ENAH: variants seen among roughly 807,000 people sequenced by gnomAD.
ENAH encodes the protein protein enabled homolog.
A neutral mutation model predicts 78.7 loss-of-function variants in ENAH; 23 were observed. The ratio of observed to expected loss-of-function variants is 0.29; its 90% CI spans 0.21 to 0.41. ENAH has a LOEUF of 0.41. Ranked by LOEUF, ENAH falls within the 10% of genes least tolerant of loss-of-function variation. ENAH has a pLI of 1.00. For synonymous variants in ENAH, 226 were observed against 241.0 expected, an observed-to-expected ratio of 0.94 and a Z score of 0.58; for missense variants, 544 against 691.0, an observed-to-expected ratio of 0.79 and a Z score of 2.39.
chr1:225,509,662 T>C (rs900700499), intron 10 of ENAH, among the ~76,000 whole-genome samples: 1 of 152,156 alleles, frequency 6.6e-6, no homozygotes, highest in African/African-American at 2.4e-5. Context: ...TTTCAGTGGA[T>C]TAAATGTCCA....
chr1:225,524,782 G>A (rs2096492788), intron 4 of ENAH: 1 of 463,030 alleles, frequency 2.2e-6, no homozygotes, highest in Non-Finnish European at 2.8e-6. Context: ...CTATATTAAG[G>A]TTCTATGTGG....
chr1:225,651,769 G>T (rs745706298), intron 1 of ENAH, among the ~76,000 whole-genome samples: 81 of 152,124 alleles, frequency 5.3e-4, no homozygotes, highest in Non-Finnish European at 1.1e-3. Context: ...TATGGACACA[G>T]AACAGGTTTA....
intron 3 of ENAH, chr1:225,531,085 G>C: frequency 2.5e-6 from 1 of 398,854 alleles, no homozygotes; most frequent in Non-Finnish European, 4.4e-6. Context: ...GAGAGAGAGA[G>C]AGCATGAGAA....
intron 1 of ENAH, among the ~76,000 whole-genome samples, chr1:225,592,698 C>T (rs987970969): frequency 1.9e-4 from 29 of 152,288 alleles, no homozygotes; most frequent in African/African-American, 7.0e-4. Flanking sequence ...TGAACTGCTG[C>T]TTCTTATGCT....
At chr1:225,514,569 A>T (rs1234565940) in intron 7 of ENAH, 27 bp downstream of exon 7, 1 of 1,576,880 alleles carries the variant, frequency 6.3e-7, no homozygotes, top group South Asian at 1.1e-5. Flanking sequence ...AAGACATATT[A>T]AAAAAATTTT....
intron 1 of ENAH, among the ~76,000 whole-genome samples, chr1:225,590,283 C>T (rs2147872278): frequency 6.6e-6 from 1 of 152,030 alleles, no homozygotes; most frequent in African/African-American, 2.4e-5. Flanking sequence ...GACACCTGCT[C>T]AGCCAACATG....
intron 1 of ENAH, among the ~76,000 whole-genome samples, chr1:225,605,179 C>G (rs2096950633): frequency 1.3e-5 from 2 of 152,152 alleles, no homozygotes; most frequent in Admixed American, 6.5e-5. Context: ...TGCTGATATT[C>G]AACCACTTGT....
chr1:225,608,832 A>AAAAAAAAAAAG (rs1370470509), intron 1 of ENAH, among the ~76,000 whole-genome samples: 6 of 150,904 alleles, frequency 4.0e-5, no homozygotes, highest in African/African-American at 1.5e-4. Flanking sequence ...AAAAAAAAAA[A>AAAAAAAAAAAG]AAAAAAAAAG....
At chr1:225,523,870 T>C (rs1487648439) in intron 4 of ENAH, among the ~76,000 whole-genome samples, 1 of 152,230 alleles carries the variant, frequency 6.6e-6, no homozygotes, top group Non-Finnish European at 1.5e-5. Context: ...ATGGCTCCTC[T>C]TCCTAGAGTT....
At chr1:225,651,047 A>C (rs1662898466) in intron 1 of ENAH, among the ~76,000 whole-genome samples, 1 of 152,038 alleles carries the variant, frequency 6.6e-6, no homozygotes, top group Non-Finnish European at 1.5e-5. Context: ...TCCTGAGTTT[A>C]AGGACATCAG....
At chr1:225,564,486 G>A (rs1177039742) in intron 2 of ENAH, among the ~76,000 whole-genome samples, 2 of 150,198 alleles carry the variant, frequency 1.3e-5, no homozygotes, top group East Asian at 1.9e-4. Flanking sequence ...GTAGAGACGG[G>A]GTTTCACCAT....
At chr1:225,620,304 G>T (rs929176670) in intron 1 of ENAH, among the ~76,000 whole-genome samples, 22 of 152,018 alleles carry the variant, frequency 1.4e-4, no homozygotes, top group Admixed American at 4.6e-4. Context: ...GCGGCAGGTA[G>T]ATCACAAGGT....
chr1:225,582,475 G>T (rs2096823920), intron 1 of ENAH, among the ~76,000 whole-genome samples: 1 of 152,148 alleles, frequency 6.6e-6, no homozygotes, highest in Admixed American at 6.6e-5. Context: ...CCTGACAACT[G>T]GTCCTGGTCT....
chr1:225,526,182 C>G (rs1346023910), intron 4 of ENAH, among the ~76,000 whole-genome samples: 1 of 152,132 alleles, frequency 6.6e-6, no homozygotes, highest in African/African-American at 2.4e-5. Flanking sequence ...CCCACTCCCC[C>G]AGAACTTCTA....
intron 1 of ENAH, among the ~76,000 whole-genome samples, chr1:225,618,626 CA>C (rs1242164151): frequency 6.6e-6 from 1 of 152,178 alleles, no homozygotes; most frequent in Non-Finnish European, 1.5e-5. Context: ...GCCTACCTAC[CA>C]GTCTTTCTTG....
At chr1:225,500,464 C>G (rs1162405897) in intron 12 of ENAH, among the ~76,000 whole-genome samples, 1 of 152,184 alleles carries the variant, frequency 6.6e-6, no homozygotes, top group South Asian at 2.1e-4. Flanking sequence ...GCCTACAGAG[C>G]CTCTACTCCA....
intron 3 of ENAH, among the ~76,000 whole-genome samples, chr1:225,550,203 T>C (rs1378236809): frequency 6.6e-6 from 1 of 152,176 alleles, no homozygotes; most frequent in Non-Finnish European, 1.5e-5. Flanking sequence ...GCCCTCCCCA[T>C]TCTTCAAACA....
chr1:225,556,079 G>T (rs552863623), intron 2 of ENAH, among the ~76,000 whole-genome samples: 6 of 152,104 alleles, frequency 3.9e-5, no homozygotes, highest in Admixed American at 3.9e-4. Context: ...TATGGTAGTC[G>T]TTTGTATAAA....
At chr1:225,628,328 T>C (rs1658325021) in intron 1 of ENAH, among the ~76,000 whole-genome samples, 1 of 152,216 alleles carries the variant, frequency 6.6e-6, no homozygotes, top group Admixed American at 6.5e-5. Context: ...AGGGATCTAA[T>C]ACTATTTCTG....
Sources: gnomAD v4.1 joint callset for allele counts (sites outside exome capture counted in the v4.1 genomes callset) on GRCh38, gnomAD v4.1.1 for gene constraint, MANE v1.5 for transcripts, NCBI Gene and HGNC (gene_info 2026-07-23, HGNC 2026-07-21) for gene names.